ZCCHC8: variants seen among roughly 807,000 people sequenced by gnomAD.
The protein encoded by ZCCHC8 is zinc finger CCHC domain-containing protein 8.
Under a neutral mutation model 70.6 loss-of-function variants are expected in ZCCHC8, and 27 were observed. The ratio of observed to expected loss-of-function variants is 0.38; its 90% CI spans 0.28 to 0.53. The LOEUF (loss-of-function observed/expected upper bound fraction) is 0.53, where lower values mean the gene tolerates loss of function less well. Ranked by LOEUF, ZCCHC8 falls within the 20% of genes least tolerant of loss-of-function variation. The pLI is 0.81. For missense variants in ZCCHC8, 737 were observed against 876.9 expected (o/e 0.84, Z 2.01); for synonymous variants, 293 against 317.4 (o/e 0.92, Z 0.82).
At chr12:122,497,824 C>A (rs997917927) in intron 2 of ZCCHC8, among the ~76,000 whole-genome samples, 1 of 151,256 alleles carries the variant, frequency 6.6e-6, no homozygotes, top group Non-Finnish European at 1.5e-5. Flanking sequence ...GCTTGAGTAA[C>A]ACAGCAAGAC....
chr12:122,490,443 T>G lies in ZCCHC8; in HGVS notation c.423+19A>C. ...AACGCATAACTTACTAATCTTAAAG[T>G]CTCTTAAATTTGAAATACCTGGGGC... On this transcript the variant is annotated intron_variant, in intron 4 of 13. Coordinates refer to ENST00000633063, the MANE Select transcript of ZCCHC8 (RefSeq NM_017612.5). 1 of 1,581,766 alleles carries G rather than the reference T, an allele frequency of 6.3e-7. No homozygotes were observed. Among genetic ancestry groups the G allele is most frequent in the Non-Finnish European group, 8.7e-7 (1 of 1,153,210 alleles).
intron 2 of ZCCHC8, among the ~76,000 whole-genome samples, chr12:122,495,404 T>C (rs1173097610): frequency 6.6e-6 from 1 of 152,144 alleles, no homozygotes; most frequent in African/African-American, 2.4e-5. Context: ...GGTGAAGGAA[T>C]AGCTTGAACC....
At position 122,492,712 on chromosome 12, in the gene ZCCHC8, T is replaced by TA. The variant is rs1371028824; in HGVS notation, c.317+2dup. ...TATTTAGGAAAGGGAAAAAATTACTTACTTTGAAATAGCATTGTTCATGAA... is the reference window on the plus strand; with the variant it reads ...TATTTAGGAAAGGGAAAAAATTACTTAACTTTGAAATAGCATTGTTCATGAA... On this transcript the variant is annotated splice_region_variant and intron_variant, in intron 3 of 13. Coordinates refer to ENST00000633063, the MANE Select transcript of ZCCHC8 (RefSeq NM_017612.5). 6.6e-7 allele frequency: 1 copy of TA among 1,516,556 alleles called. No homozygotes were observed. The highest frequency in any genetic ancestry group is 8.9e-7 in the Non-Finnish European group (1 of 1,118,842). 93.9% of individuals were successfully genotyped at this position (1,516,556 alleles called of 1,614,324 possible).
At chr12:122,497,179 T>A (rs956633441) in intron 2 of ZCCHC8, among the ~76,000 whole-genome samples, 1 of 152,038 alleles carries the variant, frequency 6.6e-6, no homozygotes, top group Non-Finnish European at 1.5e-5. Flanking sequence ...GAAATATTTC[T>A]AAATTCTAAA....
intron 2 of ZCCHC8, 119 bp from the exon 3 acceptor site, chr12:122,492,908 T>C (rs774597682): frequency 1.5e-6 from 1 of 684,554 alleles, no homozygotes; most frequent in Non-Finnish European, 2.5e-6. Flanking sequence ...TCTCACTCTG[T>C]CGCTCGTGCT....
intron 5 of ZCCHC8, among the ~76,000 whole-genome samples, chr12:122,484,439 G>C (rs910130886): frequency 1.3e-5 from 2 of 149,056 alleles, no homozygotes; most frequent in South Asian, 4.2e-4. Flanking sequence ...TTGAGGCAGG[G>C]TCTTGCTCTG....
chr12:122,474,955 G>A (rs1318487101), intron 13 of ZCCHC8, among the ~76,000 whole-genome samples: 5 of 151,972 alleles, frequency 3.3e-5, no homozygotes, highest in African/African-American at 4.8e-5. Context: ...GGCTGGTCTC[G>A]AACTCCTGAC....
chr12:122,497,325 C>G (rs562979184), intron 2 of ZCCHC8, among the ~76,000 whole-genome samples: 17 of 151,486 alleles, frequency 1.1e-4, no homozygotes, highest in Non-Finnish European at 1.3e-4. Flanking sequence ...ACAGATCACT[C>G]GAGGCCAGGA....
rs1403952459 is a variant in ZCCHC8 at position 122,474,119 on chromosome 12, G to C, written c.1502C>G (p.Pro501Arg). The C allele has an allele frequency of 6.6e-7, 1 of 1,512,696 alleles. No individual in the cohort carries two copies. The highest frequency in any genetic ancestry group is 2.3e-5 in the East Asian group (1 of 43,402). 93.7% of individuals were successfully genotyped at this position (1,512,696 alleles called of 1,614,324 possible). Residue 501 changes from proline (P) to arginine (R), a missense_variant, in exon 14 of 14, where the codon CCC becomes CGC. Transcript: ENST00000633063. ...GTPPLTPSDS[P>R]QTRTASGAVD... Reference sequence around the variant, plus strand: ...AGCTCCAGATGCTGTTCTGGTCTGGGGTGAGTCACTGGGAGTCAGCGGCGG... The same window carrying C: ...AGCTCCAGATGCTGTTCTGGTCTGGCGTGAGTCACTGGGAGTCAGCGGCGG...
chr12:122,490,925 C>T (rs1957732097), intron 3 of ZCCHC8: 1 of 161,026 alleles, frequency 6.2e-6, no homozygotes, highest in Non-Finnish European at 1.4e-5. Flanking sequence ...ATGAAAAGCT[C>T]CCTTCCTACC....
chr12:122,478,248 C>T lies in ZCCHC8; in HGVS notation c.1185G>A (p.Gln395=), dbSNP rs781043571. 1 of 1,603,394 alleles carries T rather than the reference C, an allele frequency of 6.2e-7. No individual in the cohort carries two copies. Among genetic ancestry groups the T allele is most frequent in the South Asian group, 1.1e-5 (1 of 88,714 alleles). Residue 395 remains glutamine (Q), a synonymous_variant, in exon 12 of 14, where the codon CAG becomes CAA. Transcript: ENST00000633063. ...TAAGGTAATTGGCAAACACATCCTT[C>T]TGCTGACATGCCTGCATTGGTATGG... The part of the protein sequence containing the change: ...FGSIPMQACQ[Q]KDVFANYLTS...
intron 13 of ZCCHC8, among the ~76,000 whole-genome samples, chr12:122,477,183 C>T (rs1957435871): frequency 6.7e-6 from 1 of 148,590 alleles, no homozygotes; most frequent in African/African-American, 2.5e-5. Context: ...GAGATGGAGG[C>T]TCACACTTTC....
rs1049325237 is a variant in ZCCHC8, at chr12:122,495,983, T to C, written c.242+2844A>G. Among the ~76,000 whole-genome samples the C allele has an allele frequency of 1.3e-4, 19 of 151,482 alleles. 1 individual carries two copies. In the East Asian group the frequency reaches 3.1e-3, roughly 25 times the overall value. On this transcript the variant is annotated intron_variant, in intron 2 of 13. Transcript: ENST00000633063. ...AGGAGTTTGAAACCAGCCTGGCAAT[T>C]TGGCAAAACCCCATCTCTAAGCTAA...
At chr12:122,476,605 C>A (rs1327396789) in intron 13 of ZCCHC8, among the ~76,000 whole-genome samples, 13 of 145,544 alleles carry the variant, frequency 8.9e-5, no homozygotes, top group African/African-American at 2.3e-4. Flanking sequence ...AAAAAAAAAA[C>A]AAAAAACAAA....
At chr12:122,476,027 C>A (rs1957410825) in intron 13 of ZCCHC8, among the ~76,000 whole-genome samples, 1 of 152,234 alleles carries the variant, frequency 6.6e-6, no homozygotes, top group Non-Finnish European at 1.5e-5. Context: ...TACCCTATGA[C>A]TTCATTCAGC....
chr12:122,476,603 A>C (rs1018157670), intron 13 of ZCCHC8, among the ~76,000 whole-genome samples: 2 of 150,892 alleles, frequency 1.3e-5, no homozygotes, highest in African/African-American at 2.4e-5. Flanking sequence ...CAAAAAAAAA[A>C]ACAAAAAACA....
Position 122,483,272 on chromosome 12 carries a change from C to A in ZCCHC8, c.671+7G>T. 3.8e-6 allele frequency: 6 copies of A among 1,588,016 alleles called. No individual in the cohort carries two copies. Among genetic ancestry groups the A allele is most frequent in the Non-Finnish European group, 5.1e-6 (6 of 1,165,804 alleles). ...ATAAGTAAAACAAAACAACTCCCCA[C>A]ACAAACCTTTTTGCCTTTACTTGTA... On this transcript the variant is annotated splice_region_variant and intron_variant, in intron 7 of 13. Transcript: ENST00000633063. The surrounding 1 kb of genome is among the most constrained non-coding windows in gnomAD (Gnocchi z 4.4).
chr12:122,477,620 TA>T (rs199529321), intron 13 of ZCCHC8, among the ~76,000 whole-genome samples: 46 of 138,820 alleles, frequency 3.3e-4, no homozygotes, highest in Admixed American at 7.2e-4. Context: ...CTGTCTCTAC[TA>T]AAAAAAAAAA....
chr12:122,482,489 A>T, intron 8 of ZCCHC8, 146 bp downstream of exon 8: 1 of 510,000 alleles, frequency 2.0e-6, no homozygotes, highest in South Asian at 5.1e-5. Flanking sequence ...ATGAACACAA[A>T]TTTGAAAAGA....
Sources: allele counts gnomAD v4.1 joint callset (sites outside exome capture counted in the v4.1 genomes callset), GRCh38; gene constraint gnomAD v4.1.1; non-coding constraint Gnocchi (gnomAD v3.1); transcripts MANE v1.5; gene names NCBI Gene and HGNC (gene_info 2026-07-23, HGNC 2026-07-21).